The following GRID2 variants were observed in gnomAD, a reference collection of about 807,000 sequenced individuals.
The protein encoded by GRID2 is glutamate receptor ionotropic, delta-2.
In GRID2, 33 loss-of-function variants were observed where a neutral mutation model predicts 114.8. That is an observed-to-expected ratio of 0.29 (90% confidence interval 0.22 to 0.38). The LOEUF is 0.38. GRID2 is among the 10% of genes least tolerant of loss of function. GRID2 has a pLI of 1.00. For synonymous variants in GRID2, 505 were observed against 449.9 expected (o/e 1.12, Z -1.55); for missense variants, 1,184 against 1,257.7 (o/e 0.94, Z 0.89).
chr4:92,707,986 G>A (rs959338389), intron 2 of GRID2, among the ~76,000 whole-genome samples: 1 of 152,124 alleles, frequency 6.6e-6, no homozygotes, highest in East Asian at 1.9e-4. Context: ...GAGGGAATGA[G>A]AACCAATGGA....
At chr4:92,713,479 A>G (rs1346359902) in intron 2 of GRID2, among the ~76,000 whole-genome samples, 1 of 35,020 alleles carries the variant, frequency 2.9e-5, no homozygotes, top group Non-Finnish European at 5.8e-5. Flanking sequence ...ACATATACAT[A>G]TATATATATA....
chr4:92,486,498 T>G (rs1343849111), intron 1 of GRID2, among the ~76,000 whole-genome samples: 55 of 151,638 alleles, frequency 3.6e-4, no homozygotes, highest in Admixed American at 3.6e-3. Context: ...ATTTACATTC[T>G]GTCCTTTCAA....
intron 2 of GRID2, among the ~76,000 whole-genome samples, chr4:92,755,114 C>T (rs1412803096): frequency 2.0e-5 from 3 of 152,244 alleles, no homozygotes; most frequent in Admixed American, 6.5e-5. Context: ...ACCATTTGTG[C>T]TGGCCTTTTC....
At chr4:92,403,712 ATAAATAAATAAAT>A (rs1309067467) in intron 1 of GRID2, among the ~76,000 whole-genome samples, 40 of 149,236 alleles carry the variant, frequency 2.7e-4, no homozygotes, top group Admixed American at 5.3e-4. Context: ...AAATAAATAA[ATAAATAAATAAAT>A]AAATAAATAA....
chr4:92,580,244 A>G (rs937832876), intron 1 of GRID2, among the ~76,000 whole-genome samples: 61 of 151,656 alleles, frequency 4.0e-4, no homozygotes, highest in African/African-American at 1.4e-3. Flanking sequence ...AAATATCTGT[A>G]TATTTTATAG....
intron 3 of GRID2, among the ~76,000 whole-genome samples, chr4:93,104,547 A>T (rs536396101): frequency 6.6e-6 from 1 of 151,956 alleles, no homozygotes; most frequent in African/African-American, 2.4e-5. Flanking sequence ...TATGAGTGAG[A>T]ACATGCGGTG....
chr4:92,316,705 C>T (rs1726001180), intron 1 of GRID2, among the ~76,000 whole-genome samples: 1 of 151,894 alleles, frequency 6.6e-6, no homozygotes, highest in African/African-American at 2.4e-5. Flanking sequence ...CTGTGGTCTA[C>T]TATGGCACTG....
intron 1 of GRID2, among the ~76,000 whole-genome samples, chr4:93,802,872 A>AC (rs1230874609): frequency 6.6e-6 from 1 of 152,170 alleles, no homozygotes; most frequent in Non-Finnish European, 1.5e-5. Context: ...TGAAAGTAAG[A>AC]CCCCCAAATT....
chr4:92,391,160 A>G (rs542515392), intron 1 of GRID2, among the ~76,000 whole-genome samples: 3 of 152,308 alleles, frequency 2.0e-5, no homozygotes, highest in South Asian at 4.1e-4. Context: ...AGAATGATTG[A>G]TTAATCTATC....
At chr4:93,441,769 T>G (rs561612520) in intron 10 of GRID2, among the ~76,000 whole-genome samples, 3 of 152,142 alleles carry the variant, frequency 2.0e-5, no homozygotes, top group Non-Finnish European at 4.4e-5. Flanking sequence ...ATTTCAGTTG[T>G]TCTAAGTCTC....
At chr4:93,608,115 C>CAT (rs1239095283) in intron 13 of GRID2, among the ~76,000 whole-genome samples, 1 of 141,056 alleles carries the variant, frequency 7.1e-6, no homozygotes, top group Non-Finnish European at 1.5e-5. Context: ...TACACACACA[C>CAT]ATATATGTGT....
intron 2 of GRID2, among the ~76,000 whole-genome samples, chr4:92,624,791 T>C (rs1168079683): frequency 6.6e-6 from 1 of 151,772 alleles, no homozygotes; most frequent in Non-Finnish European, 1.5e-5. Context: ...TATTGATTTA[T>C]ACATACAGAA....
chr4:92,743,921 G>A (rs1737018143), intron 2 of GRID2, among the ~76,000 whole-genome samples: 2 of 152,114 alleles, frequency 1.3e-5, no homozygotes, highest in South Asian at 2.1e-4. Flanking sequence ...TAAAACAGAG[G>A]AATTCAGGTT....
chr4:93,599,111 G>T (rs1378695580), intron 13 of GRID2, among the ~76,000 whole-genome samples: 1 of 152,168 alleles, frequency 6.6e-6, no homozygotes, highest in Non-Finnish European at 1.5e-5. Context: ...AAATGATACT[G>T]TCTCCTTTCA....
chr4:93,719,213 T>G (rs1352057934), intron 14 of GRID2, among the ~76,000 whole-genome samples: 2 of 152,076 alleles, frequency 1.3e-5, no homozygotes, highest in African/African-American at 2.4e-5. Flanking sequence ...TTTTCTTCCC[T>G]ATAGATCTAG....
At chr4:92,324,522 A>G (rs1033496004) in intron 1 of GRID2, among the ~76,000 whole-genome samples, 4 of 151,902 alleles carry the variant, frequency 2.6e-5, no homozygotes, top group African/African-American at 9.7e-5. Flanking sequence ...TGCATAGCCT[A>G]TAACATGTTC....
chr4:92,799,512 T>G (rs2149370856), intron 2 of GRID2, among the ~76,000 whole-genome samples: 1 of 152,172 alleles, frequency 6.6e-6, no homozygotes, highest in African/African-American at 2.4e-5. Flanking sequence ...GAGGCCTTTC[T>G]TTTTGGCTTG....
At chr4:93,223,470 A>G (rs78030490) in intron 6 of GRID2, among the ~76,000 whole-genome samples, 3,347 of 152,290 alleles carry the variant, frequency 0.022, 118 homozygotes, top group African/African-American at 0.077. Flanking sequence ...GACTCTAATT[A>G]TCTCAATAGC....
At chr4:92,399,124 G>A (rs1392037118) in intron 1 of GRID2, among the ~76,000 whole-genome samples, 1 of 152,168 alleles carries the variant, frequency 6.6e-6, no homozygotes, top group East Asian at 1.9e-4. Context: ...TAAATGTGGA[G>A]ATATCAAAAA....
Sources: allele counts gnomAD v4.1 joint callset (sites outside exome capture counted in the v4.1 genomes callset), GRCh38; gene constraint gnomAD v4.1.1; transcripts MANE v1.5; gene names NCBI Gene and HGNC (gene_info 2026-07-23, HGNC 2026-07-21).